The following DGKH variants were observed in gnomAD, a reference collection of about 807,000 sequenced individuals.
DGKH encodes DAG kinase eta.
A neutral mutation model predicts 159.3 loss-of-function variants in DGKH; 90 were observed. The ratio of observed to expected loss-of-function variants is 0.57; its 90% CI spans 0.48 to 0.67. The LOEUF is 0.67. Ranked by LOEUF, DGKH falls within the 30% of genes least tolerant of loss-of-function variation. The pLI is 0.00. For missense variants in DGKH, 1,181 were observed against 1,506.1 expected (o/e 0.78, Z 3.57); for synonymous variants, 536 against 553.8 (o/e 0.97, Z 0.45).
chr13:42,053,618 GTA>G (rs558542510), intron 1 of DGKH, among the ~76,000 whole-genome samples: 2 of 137,242 alleles, frequency 1.5e-5, no homozygotes, highest in African/African-American at 2.8e-5. Context: ...AACTATATAT[GTA>G]TATATATATA....
chr13:42,072,405 G>A (rs964742395), intron 1 of DGKH, among the ~76,000 whole-genome samples: 2 of 152,168 alleles, frequency 1.3e-5, no homozygotes, highest in Admixed American at 6.5e-5. Context: ...GATAATTTGA[G>A]TATTTAGAAC....
At chr13:42,153,610 C>A (rs1955971736) in intron 3 of DGKH, 1 of 152,112 alleles carries the variant, frequency 6.6e-6, no homozygotes, top group African/African-American at 2.4e-5. Flanking sequence ...GTCATTAGAG[C>A]CAGGAGTGTA....
At chr13:42,100,707 C>T (rs1954637005) in intron 1 of DGKH, among the ~76,000 whole-genome samples, 1 of 152,154 alleles carries the variant, frequency 6.6e-6, no homozygotes, top group African/African-American at 2.4e-5. Flanking sequence ...TAAAGAGAAT[C>T]TACTGCTGAA....
In DGKH at chr13:42,239,315, T is replaced by G. The variant is rs150868714; in HGVS notation, c.*10127T>G. 1.8e-4 allele frequency: 27 copies of G among 152,704 alleles called. No homozygotes were observed. The East Asian group carries it at 5.2e-3, about 29-fold the overall frequency. The allele number at this position is 152,704 out of a possible 1,614,324, so 9.5% of individuals were successfully genotyped here. ...TTCTCTCCTTTTACTTGAAAAGCTT[T>G]CAGAAAGCTTTTGAAAGATGACACA... is the stretch of plus-strand genomic sequence containing the variant. On this transcript the variant is annotated 3_prime_UTR_variant, in exon 30 of 30. Transcript: ENST00000337343.
chr13:42,249,426 A>G (rs1291877758), intron 29 of DGKH, among the ~76,000 whole-genome samples: 1 of 152,170 alleles, frequency 6.6e-6, no homozygotes, highest in African/African-American at 2.4e-5. Flanking sequence ...AAACAAACAA[A>G]CAAACAAAAA....
intron 5 of DGKH, 89 bp downstream of exon 5, chr13:42,155,888 C>G (rs1057241934): frequency 1.3e-6 from 2 of 1,504,476 alleles, no homozygotes; most frequent in East Asian, 2.3e-5. Context: ...TAAAATTGAG[C>G]TCTCCACACA....
At chr13:42,140,251 C>A (rs1465128603) in intron 3 of DGKH, 2 of 152,224 alleles carry the variant, frequency 1.3e-5, no homozygotes, top group Non-Finnish European at 2.9e-5. Flanking sequence ...AAAAGCTTGG[C>A]CAGTTATAAC....
At chr13:42,194,625 A>G (rs1040274554) in intron 16 of DGKH, among the ~76,000 whole-genome samples, 2 of 152,218 alleles carry the variant, frequency 1.3e-5, no homozygotes, top group Non-Finnish European at 2.9e-5. Flanking sequence ...TGCATTGATC[A>G]TATTCAAATT....
intron 30 of DGKH, among the ~76,000 whole-genome samples, chr13:42,255,452 C>A (rs908677048): frequency 6.6e-6 from 1 of 152,028 alleles, no homozygotes; most frequent in Non-Finnish European, 1.5e-5. Context: ...TCCAACACAG[C>A]CCCTAATCTG....
intron 24 of DGKH, among the ~76,000 whole-genome samples, chr13:42,212,590 G>C (rs1237216857): frequency 3.3e-5 from 5 of 152,176 alleles, no homozygotes; most frequent in African/African-American, 1.2e-4. Context: ...GACTAGGCTT[G>C]CTTCTGGTCA....
At chr13:42,108,966 G>A (rs187426916) in intron 1 of DGKH, among the ~76,000 whole-genome samples, 1 of 152,326 alleles carries the variant, frequency 6.6e-6, no homozygotes, top group East Asian at 1.9e-4. Flanking sequence ...GGTGGAAAAA[G>A]TTGTTATTTT....
intron 1 of DGKH, among the ~76,000 whole-genome samples, chr13:42,080,161 A>G (rs1428865351): frequency 6.6e-6 from 1 of 152,224 alleles, no homozygotes; most frequent in African/African-American, 2.4e-5. Flanking sequence ...TAACATGGTA[A>G]TTTAGATTTC....
At chr13:42,185,656 AT>A (rs1956900484) in intron 13 of DGKH, among the ~76,000 whole-genome samples, 1 of 152,182 alleles carries the variant, frequency 6.6e-6, no homozygotes, top group Non-Finnish European at 1.5e-5. Flanking sequence ...AAAGTAGCGC[AT>A]TTTACAGAAA....
At chr13:42,083,314 G>C (rs972910514) in intron 1 of DGKH, among the ~76,000 whole-genome samples, 3 of 152,124 alleles carry the variant, frequency 2.0e-5, no homozygotes, top group Non-Finnish European at 2.9e-5. Flanking sequence ...GAGGGGTGGT[G>C]ATGCGAGGGT....
chr13:42,179,911 G>A (rs2138065443), intron 13 of DGKH, among the ~76,000 whole-genome samples: 1 of 152,166 alleles, frequency 6.6e-6, no homozygotes, highest in African/African-American at 2.4e-5. Flanking sequence ...GTTTGCATCT[G>A]TAGAAATTTC....
chr13:42,194,789 G>T (rs748706429), intron 16 of DGKH, 96 bp from the exon 17 acceptor site: 123 of 1,358,694 alleles, frequency 9.1e-5, no homozygotes, highest in Non-Finnish European at 1.1e-4. Flanking sequence ...TCTACTGATT[G>T]ATTTAAACAT....
At chr13:42,218,469 C>T (rs1389025458) in intron 26 of DGKH, among the ~76,000 whole-genome samples, 1 of 147,742 alleles carries the variant, frequency 6.8e-6, no homozygotes, top group African/African-American at 2.5e-5. Context: ...AGTTTTTAAC[C>T]AGTTTAAAAA....
At chr13:42,166,346 A>G (rs1956314482) in intron 8 of DGKH, among the ~76,000 whole-genome samples, 169 bp from the exon 9 acceptor site, 1 of 152,154 alleles carries the variant, frequency 6.6e-6, no homozygotes, top group African/African-American at 2.4e-5. Flanking sequence ...AGAATTACAT[A>G]CAAACATATA....
upstream of DGKH, among the ~76,000 whole-genome samples, chr13:42,045,423 A>G (rs758549720): frequency 1.3e-5 from 2 of 152,258 alleles, no homozygotes; most frequent in Non-Finnish European, 2.9e-5. Flanking sequence ...TTCAAAGGAT[A>G]GGGCCAAAAT....
Sources: gnomAD v4.1 joint callset for allele counts (sites outside exome capture counted in the v4.1 genomes callset) on GRCh38, gnomAD v4.1.1 for gene constraint, MANE v1.5 for transcripts, NCBI Gene and HGNC (gene_info 2026-07-23, HGNC 2026-07-21) for gene names.